IL15: variants seen among roughly 807,000 people sequenced by gnomAD.
The protein encoded by IL15 is interleukin 15.
Under a neutral mutation model 19.6 loss-of-function variants are expected in IL15, and 11 were observed. The ratio of observed to expected loss-of-function variants is 0.56; its 90% confidence interval spans 0.35 to 0.93. The LOEUF (loss-of-function observed/expected upper bound fraction) is 0.93. Among genes scored for constraint, IL15 ranks in the 40% least tolerant of loss-of-function variants. The pLI, the probability that IL15 is intolerant of heterozygous loss-of-function variation, is 0.01. For missense variants in IL15, 197 were observed against 186.5 expected (o/e 1.06, Z -0.33); for synonymous variants, 58 against 59.6 (o/e 0.97, Z 0.12).
At chr4:141,668,477 G>A (rs1728064280) in intron 2 of IL15, among the ~76,000 whole-genome samples, 1 of 152,184 alleles carries the variant, frequency 6.6e-6, no homozygotes, top group Admixed American at 6.5e-5. Context: ...TGCCTACCTA[G>A]TTTTCACCTT....
At chr4:141,666,112 A>ATTTATTTATTTAT (rs1553987605) in intron 2 of IL15, among the ~76,000 whole-genome samples, 1 of 150,092 alleles carries the variant, frequency 6.7e-6, no homozygotes, top group African/African-American at 2.4e-5. Flanking sequence ...TTATTTATTT[A>ATTTATTTATTTAT]TTTTTTGAGA....
At chr4:141,639,673 T>A (rs552201108) in intron 1 of IL15, among the ~76,000 whole-genome samples, 1 of 152,302 alleles carries the variant, frequency 6.6e-6, no homozygotes, top group Non-Finnish European at 1.5e-5. Context: ...ATTTGGGACA[T>A]CCTCTCTTCA....
intron 1 of IL15, 119 bp from the exon 2 acceptor site, chr4:141,656,067 T>A (rs983817153): frequency 2.8e-5 from 11 of 394,766 alleles, no homozygotes; most frequent in Admixed American, 8.8e-5. Flanking sequence ...TTTCTCCATA[T>A]GAGTCTTCCT....
intron 2 of IL15, among the ~76,000 whole-genome samples, chr4:141,662,166 G>A (rs1727812843): frequency 6.6e-6 from 1 of 152,220 alleles, no homozygotes. Context: ...CCTAACAAAA[G>A]TAAGTTTTGC....
intron 2 of IL15, among the ~76,000 whole-genome samples, chr4:141,679,121 T>A (rs549801152): frequency 6.6e-6 from 1 of 152,326 alleles, no homozygotes; most frequent in South Asian, 2.1e-4. Flanking sequence ...AGGAGCAGTA[T>A]GGATTGTGTA....
At chr4:141,710,757 T>G (rs1319242459) in intron 2 of IL15, among the ~76,000 whole-genome samples, 2 of 152,206 alleles carry the variant, frequency 1.3e-5, no homozygotes, top group Non-Finnish European at 2.9e-5. Context: ...TTTTATTTTA[T>G]TTTGGTTTGG....
At chr4:141,712,632 A>G (rs1483886945) in intron 2 of IL15, among the ~76,000 whole-genome samples, 1 of 148,116 alleles carries the variant, frequency 6.8e-6, no homozygotes, top group East Asian at 1.9e-4. Context: ...TATATTAAAT[A>G]TTGTTTAAAT....
At chr4:141,689,257 A>G (rs1027506375) in intron 2 of IL15, among the ~76,000 whole-genome samples, 1 of 152,188 alleles carries the variant, frequency 6.6e-6, no homozygotes, top group Non-Finnish European at 1.5e-5. Context: ...GCAGGTTGCC[A>G]CTGCTGGCTC....
At chr4:141,692,885 A>C (rs1014346873) in intron 2 of IL15, among the ~76,000 whole-genome samples, 1 of 151,858 alleles carries the variant, frequency 6.6e-6, no homozygotes, top group Non-Finnish European at 1.5e-5. Flanking sequence ...CCACATTTTC[A>C]AATTATCTTT....
At chr4:141,684,661 CCTT>C (rs1282476000) in intron 2 of IL15, among the ~76,000 whole-genome samples, 1 of 152,174 alleles carries the variant, frequency 6.6e-6, no homozygotes, top group Non-Finnish European at 1.5e-5. Flanking sequence ...GGAATATCCT[CCTT>C]CTTTCTATTC....
intron 1 of IL15, among the ~76,000 whole-genome samples, chr4:141,639,809 C>T (rs139667696): frequency 2.8e-4 from 42 of 152,282 alleles, no homozygotes; most frequent in African/African-American, 9.4e-4. Context: ...TGCTTAAATA[C>T]TTGCTGCTGT....
intron 3 of IL15, among the ~76,000 whole-genome samples, 171 bp from the exon 4 acceptor site, chr4:141,720,298 A>G (rs1272268099): frequency 6.6e-6 from 1 of 152,134 alleles, no homozygotes; most frequent in African/African-American, 2.4e-5. Context: ...TGGAGGTGGG[A>G]GAGAAAGTGA....
chr4:141,672,266 C>T (rs1444233102), intron 2 of IL15, among the ~76,000 whole-genome samples: 1 of 152,096 alleles, frequency 6.6e-6, no homozygotes, highest in Non-Finnish European at 1.5e-5. Context: ...TTTTTAGCAA[C>T]AAGAGGTAAA....
At chr4:141,669,151 A>T (rs1268901846) in intron 2 of IL15, among the ~76,000 whole-genome samples, 1 of 152,220 alleles carries the variant, frequency 6.6e-6, no homozygotes, top group Non-Finnish European at 1.5e-5. Context: ...ATTAGTTAAG[A>T]ACCTAAAATA....
At chr4:141,646,676 T>C (rs1465671096) in intron 1 of IL15, among the ~76,000 whole-genome samples, 1 of 152,124 alleles carries the variant, frequency 6.6e-6, no homozygotes, top group African/African-American at 2.4e-5. Context: ...TAAATACAGC[T>C]TACACATAGT....
chr4:141,678,786 G>C (rs922042615), intron 2 of IL15, among the ~76,000 whole-genome samples: 1 of 152,086 alleles, frequency 6.6e-6, no homozygotes, highest in African/African-American at 2.4e-5. Flanking sequence ...ATTTTTAGTA[G>C]AGACAGGGTT....
chr4:141,673,962 C>T (rs1337649813), intron 2 of IL15, among the ~76,000 whole-genome samples: 1 of 152,180 alleles, frequency 6.6e-6, no homozygotes, highest in Non-Finnish European at 1.5e-5. Context: ...TGAACATTCA[C>T]AGCATTTGAT....
chr4:141,716,152 A>G (rs6850492), intron 2 of IL15: 98,278 of 152,354 alleles, frequency 0.65, 32,249 homozygotes, highest in East Asian at 0.94. Context: ...CAGTGCTGCC[A>G]TGAGTCAGCA....
intron 2 of IL15, among the ~76,000 whole-genome samples, chr4:141,714,488 C>A (rs2152187310): frequency 6.6e-6 from 1 of 152,326 alleles, no homozygotes; most frequent in South Asian, 2.1e-4. Flanking sequence ...ATTGCCTGCA[C>A]TAGCATCTTA....
Sources: gnomAD v4.1 joint callset for allele counts (sites outside exome capture counted in the v4.1 genomes callset) on GRCh38, gnomAD v4.1.1 for gene constraint, MANE v1.5 for transcripts, NCBI Gene and HGNC (gene_info 2026-07-23, HGNC 2026-07-21) for gene names.